MLLT3: variants seen among roughly 807,000 people sequenced by gnomAD.
MLLT3 encodes the protein protein AF-9.
In MLLT3, 4 loss-of-function variants were observed where a neutral mutation model predicts 53.2. That is an observed-to-expected ratio of 0.08 (90% CI 0.04 to 0.17). The LOEUF (loss-of-function observed/expected upper bound fraction) is 0.17, where lower values mean the gene tolerates loss of function less well. Among genes scored for constraint, MLLT3 ranks in the 10% least tolerant of loss-of-function variants. The probability of loss-of-function intolerance (pLI) is 1.00; values close to 1 mark genes in which losing one functional copy is unlikely to be tolerated. For missense variants in MLLT3, 569 were observed against 684.0 expected (o/e 0.83, Z 1.87); for synonymous variants, 283 against 230.6 (o/e 1.23, Z -2.06).
intron 10 of MLLT3, among the ~76,000 whole-genome samples, chr9:20,347,898 G>C (rs1200180079): frequency 6.6e-6 from 1 of 152,176 alleles, no homozygotes; most frequent in South Asian, 2.1e-4. Context: ...AGTAACAGCA[G>C]AACTGAAACT....
At chr9:20,417,187 ATATATAT>A (rs977649380) in intron 4 of MLLT3, among the ~76,000 whole-genome samples, 1 of 139,788 alleles carries the variant, frequency 7.2e-6, no homozygotes, top group African/African-American at 2.7e-5. Flanking sequence ...ATATTTATAT[ATATATAT>A]TATATATTAT....
intron 2 of MLLT3, among the ~76,000 whole-genome samples, chr9:20,492,119 T>C (rs577555188): frequency 6.6e-6 from 1 of 152,220 alleles, no homozygotes; most frequent in African/African-American, 2.4e-5. Flanking sequence ...CCATAGCTAA[T>C]ATTTTCTGTA....
At chr9:20,348,849 A>AAC (rs1462136224) in intron 10 of MLLT3, among the ~76,000 whole-genome samples, 3 of 152,210 alleles carry the variant, frequency 2.0e-5, no homozygotes, top group African/African-American at 7.2e-5. Flanking sequence ...CAGAAACACA[A>AAC]ACACACAGCT....
intron 5 of MLLT3, chr9:20,410,764 T>A (rs2118768229): frequency 6.6e-6 from 1 of 152,274 alleles, no homozygotes; most frequent in Middle Eastern, 3.4e-3. Context: ...TAGAATTTGA[T>A]TCTAGAAAAG....
At chr9:20,420,048 C>CT (rs1822968370) in intron 4 of MLLT3, among the ~76,000 whole-genome samples, 1 of 151,860 alleles carries the variant, frequency 6.6e-6, no homozygotes, top group African/African-American at 2.4e-5. Flanking sequence ...GTGCTGGTAT[C>CT]TTTTTTTATG....
chr9:20,432,113 G>C lies in MLLT3; in HGVS notation c.420+16010C>G, dbSNP rs996476308. Among the ~76,000 whole-genome samples the C allele has an allele frequency of 6.6e-5, 10 of 152,238 alleles. No individual in the cohort carries two copies. The East Asian group carries it at 1.7e-3, about 26-fold the overall frequency. ...CTGATGTCAAAATCTTCTAGTCTAG[G>C]AAGAGAAATTCACATTCAAATTCAG... On this transcript the variant is annotated intron_variant, in intron 4 of 10. Coordinates refer to ENST00000380338, the MANE Select transcript of MLLT3 (RefSeq NM_004529.4).
At chr9:20,449,566 T>G (rs936357325) in intron 3 of MLLT3, among the ~76,000 whole-genome samples, 1 of 152,298 alleles carries the variant, frequency 6.6e-6, no homozygotes, top group South Asian at 2.1e-4. Context: ...TATTGTTATA[T>G]TACTAATAAA....
chr9:20,587,674 T>C (rs911935609), intron 2 of MLLT3, among the ~76,000 whole-genome samples: 1 of 152,240 alleles, frequency 6.6e-6, no homozygotes, highest in African/African-American at 2.4e-5. Context: ...CTTTGCCCAC[T>C]TGTTGATGGG....
At chr9:20,535,126 T>C (rs1454874351) in intron 2 of MLLT3, among the ~76,000 whole-genome samples, 1 of 152,154 alleles carries the variant, frequency 6.6e-6, no homozygotes, top group Non-Finnish European at 1.5e-5. Flanking sequence ...GCAGGTGAGC[T>C]AGCGTTACCG....
At chr9:20,530,964 A>G (rs981425405) in intron 2 of MLLT3, among the ~76,000 whole-genome samples, 3 of 151,550 alleles carry the variant, frequency 2.0e-5, no homozygotes, top group Non-Finnish European at 4.4e-5. Context: ...TATGTATTAC[A>G]TATTTTATTT....
intron 2 of MLLT3, among the ~76,000 whole-genome samples, chr9:20,573,083 T>C (rs947538691): frequency 2.0e-5 from 3 of 152,124 alleles, no homozygotes; most frequent in African/African-American, 7.2e-5. Flanking sequence ...CCCACCAAGT[T>C]TGAAAACTAG....
chr9:20,512,729 G>A (rs1817786176), intron 2 of MLLT3, among the ~76,000 whole-genome samples: 1 of 152,156 alleles, frequency 6.6e-6, no homozygotes, highest in African/African-American at 2.4e-5. Context: ...CCAGAAGTCA[G>A]TAACTGAAGT....
At chr9:20,368,836 A>C (rs1821521800) in intron 5 of MLLT3, among the ~76,000 whole-genome samples, 1 of 152,256 alleles carries the variant, frequency 6.6e-6, no homozygotes. Flanking sequence ...AGAAAGTTTA[A>C]AGCAAAAGAG....
intron 5 of MLLT3, among the ~76,000 whole-genome samples, chr9:20,397,513 G>A (rs772579658): frequency 1.3e-5 from 2 of 152,058 alleles, no homozygotes; most frequent in African/African-American, 4.8e-5. Flanking sequence ...GGAACATGTA[G>A]GGCCCTATAA....
intron 2 of MLLT3, among the ~76,000 whole-genome samples, chr9:20,563,355 T>C (rs960834449): frequency 6.6e-6 from 1 of 152,112 alleles, no homozygotes; most frequent in Non-Finnish European, 1.5e-5. Flanking sequence ...TTATTCACTA[T>C]CTAATCTTAC....
intron 2 of MLLT3, among the ~76,000 whole-genome samples, chr9:20,466,029 T>C (rs1235947717): frequency 6.6e-6 from 1 of 152,130 alleles, no homozygotes; most frequent in East Asian, 1.9e-4. Flanking sequence ...TTGCAAGCTG[T>C]TTAAGTGATT....
In MLLT3 at chr9:20,400,803, T is replaced by C. The variant is rs965493907; in HGVS notation, c.1125+12918A>G. On this transcript the variant is annotated intron_variant, in intron 5 of 10. Transcript: ENST00000380338. ...TACAAGTGCTGCAGTTTTGAAACTATGGAATGTTTCATTAAACTGCCAATT... is the reference window on the plus strand; with the variant it reads ...TACAAGTGCTGCAGTTTTGAAACTACGGAATGTTTCATTAAACTGCCAATT... 1.4e-3 allele frequency among the ~76,000 whole-genome samples: 219 copies of C among 152,240 alleles called. 1 individual carries two copies. The highest frequency in any genetic ancestry group is 5.1e-3 in the African/African-American group (211 of 41,568).
chr9:20,522,284 CAAAA>C (rs11314967), intron 2 of MLLT3, among the ~76,000 whole-genome samples: 2 of 127,742 alleles, frequency 1.6e-5, no homozygotes, highest in Non-Finnish European at 1.7e-5. Flanking sequence ...TGAAAGTGAC[CAAAA>C]AAAAAAAAAA....
chr9:20,418,491 T>C (rs1822931154), intron 4 of MLLT3: 1 of 152,370 alleles, frequency 6.6e-6, no homozygotes, highest in East Asian at 1.9e-4. Context: ...TTTACGTCTC[T>C]TGAACTAGTT....
Sources: allele counts gnomAD v4.1 joint callset (sites outside exome capture counted in the v4.1 genomes callset), GRCh38; gene constraint gnomAD v4.1.1; transcripts MANE v1.5; gene names NCBI Gene and HGNC (gene_info 2026-07-23, HGNC 2026-07-21).